Variants in PACS1 observed in about 807,000 individuals in gnomAD.
PACS1 encodes the protein phosphofurin acidic cluster sorting protein 1.
A neutral mutation model predicts 115.0 loss-of-function variants in PACS1; 24 were observed. The ratio of observed to expected loss-of-function variants is 0.21; its 90% confidence interval spans 0.15 to 0.29. The LOEUF (loss-of-function observed/expected upper bound fraction) is 0.29. Among genes scored for constraint, PACS1 ranks in the 10% least tolerant of loss-of-function variants. The pLI, the probability that PACS1 is intolerant of heterozygous loss-of-function variation, is 1.00. For synonymous variants in PACS1, 453 were observed against 504.5 expected, an observed-to-expected ratio of 0.90 and a Z score of 1.37; for missense variants, 838 against 1,251.2, an observed-to-expected ratio of 0.67 and a Z score of 4.98.
At chr11:66,207,473 C>T (rs1286469436) in intron 2 of PACS1, among the ~76,000 whole-genome samples, 2 of 152,124 alleles carry the variant, frequency 1.3e-5, no homozygotes, top group Non-Finnish European at 2.9e-5. Flanking sequence ...TCTAAAATAA[C>T]AAAAACCTTA....
At chr11:66,163,323 C>A (rs1478422344) in intron 1 of PACS1, among the ~76,000 whole-genome samples, 1 of 136,894 alleles carries the variant, frequency 7.3e-6, no homozygotes, top group Non-Finnish European at 1.5e-5. Flanking sequence ...TGCACTCCAG[C>A]ATGGGCGACA....
At chr11:66,091,663 C>T (rs1204932666) in intron 1 of PACS1, among the ~76,000 whole-genome samples, 5 of 151,262 alleles carry the variant, frequency 3.3e-5, no homozygotes, top group Admixed American at 2.6e-4. Context: ...TAAAGCTATC[C>T]CTCCCCCCTC....
At chr11:66,207,875 T>G (rs1385033201) in intron 2 of PACS1, among the ~76,000 whole-genome samples, 1 of 152,176 alleles carries the variant, frequency 6.6e-6, no homozygotes, top group African/African-American at 2.4e-5. Context: ...GCTGAAATGA[T>G]TCTCCCACAC....
chr11:66,185,522 G>A (rs906020996), intron 1 of PACS1, among the ~76,000 whole-genome samples: 2 of 152,128 alleles, frequency 1.3e-5, no homozygotes, highest in African/African-American at 4.8e-5. Flanking sequence ...GTAGGGACTC[G>A]GCTAGAGGTG....
chr11:66,163,279 G>A (rs1859531618), intron 1 of PACS1, among the ~76,000 whole-genome samples: 1 of 149,948 alleles, frequency 6.7e-6, no homozygotes. Flanking sequence ...TGAACGAGGT[G>A]AGCAGAGGTT....
intron 1 of PACS1, among the ~76,000 whole-genome samples, chr11:66,129,444 G>A (rs981062193): frequency 7.1e-6 from 1 of 140,964 alleles, no homozygotes. Flanking sequence ...AAAAAAAAAA[G>A]GGTTTAAAAA....
intron 1 of PACS1, among the ~76,000 whole-genome samples, chr11:66,107,447 G>T (rs1858075594): frequency 6.6e-6 from 1 of 152,022 alleles, no homozygotes; most frequent in African/African-American, 2.4e-5. Context: ...TATGCTGATT[G>T]TTTACTGTCT....
chr11:66,179,550 T>C (rs1336610099), intron 1 of PACS1, among the ~76,000 whole-genome samples: 1 of 152,168 alleles, frequency 6.6e-6, no homozygotes, highest in Non-Finnish European at 1.5e-5. Context: ...AATGTTTGGG[T>C]CAGTATAACA....
intron 1 of PACS1, among the ~76,000 whole-genome samples, chr11:66,136,772 A>C (rs1012596499): frequency 6.6e-6 from 1 of 152,068 alleles, no homozygotes; most frequent in Non-Finnish European, 1.5e-5. Flanking sequence ...TAAGTTCTCT[A>C]TGTTCGGCTA....
At chr11:66,103,335 C>T (rs1254769545) in intron 1 of PACS1, among the ~76,000 whole-genome samples, 1 of 152,004 alleles carries the variant, frequency 6.6e-6, no homozygotes, top group Non-Finnish European at 1.5e-5. Context: ...ATGTGGGTGG[C>T]TCAGGCCTGT....
chr11:66,072,611 C>G (rs146632812), intron 1 of PACS1, among the ~76,000 whole-genome samples: 356 of 152,296 alleles, frequency 2.3e-3, no homozygotes, highest in Non-Finnish European at 3.7e-3. Flanking sequence ...CAACACCAAG[C>G]TCAAGCGAGA....
intron 2 of PACS1, among the ~76,000 whole-genome samples, chr11:66,205,095 C>T (rs1854904275): frequency 6.6e-6 from 1 of 152,142 alleles, no homozygotes; most frequent in Non-Finnish European, 1.5e-5. Context: ...AGCGATTCTC[C>T]TACCTCAGCC....
At position 66,235,665 on chromosome 11, in the gene PACS1, C is replaced by A. The variant is rs987534764; in HGVS notation, c.2208-233C>A. On this transcript the variant is annotated intron_variant, in intron 18 of 23. Coordinates refer to ENST00000320580, the MANE Select transcript of PACS1 (RefSeq NM_018026.4). This position sits in a 1 kb window ranked among gnomAD's most constrained non-coding sequence, Gnocchi z 5.6. The stretch of plus-strand genomic sequence containing the variant: ...CCCATCCTCATAGCTGGAACTCAGA[C>A]GTGGGAAGCAGGGAGCGTAGCTTGC... 4.9e-6 allele frequency: 3 copies of A among 611,754 alleles called. No individual in the cohort carries two copies. Among genetic ancestry groups the A allele is most frequent in the East Asian group, 2.8e-5 (1 of 36,350 alleles). The allele number at this position is 611,754 out of a possible 1,614,324, so 37.9% of individuals were successfully genotyped here.
chr11:66,098,969 G>A (rs1211613833), intron 1 of PACS1, among the ~76,000 whole-genome samples: 2 of 152,148 alleles, frequency 1.3e-5, no homozygotes, highest in Non-Finnish European at 2.9e-5. Flanking sequence ...ACCTGCTCAT[G>A]TTGGTGTCTT....
rs1383192512 is a variant in PACS1, at chr11:66,202,738, AAAAAATATATATATATATATAT to A, written c.445-7622_445-7601del. Among the ~76,000 whole-genome samples the A allele has an allele frequency of 6.2e-5, 4 of 64,894 alleles. 1 individual carries two copies. The highest frequency in any genetic ancestry group is 1.2e-4 in the Non-Finnish European group (4 of 32,462). The allele number at this position is 64,894 out of a possible 152,430, so 42.6% of individuals were successfully genotyped here. ...ACCTCATCTCTAGGAAAAAAAAAAA[AAAAAATATATATATATATATAT>A]ATATATATATATATATATATATTCT... On this transcript the variant is annotated intron_variant, in intron 2 of 23. Coordinates refer to ENST00000320580, the MANE Select transcript of PACS1 (RefSeq NM_018026.4).
At chr11:66,110,566 G>GT (rs528046745) in intron 1 of PACS1, among the ~76,000 whole-genome samples, 32 of 151,492 alleles carry the variant, frequency 2.1e-4, no homozygotes, top group East Asian at 3.9e-4. Context: ...CTTTCCTGTA[G>GT]TTTTTTTTTG....
In PACS1 at chr11:66,102,287, T is replaced by G. The variant is rs550810723; in HGVS notation, c.356+31445T>G. Among the ~76,000 whole-genome samples, 61 of 152,172 alleles carry G rather than the reference T, an allele frequency of 4.0e-4. No homozygotes were observed. The South Asian group carries it at 0.012, about 29-fold the overall frequency. On this transcript the variant is annotated intron_variant, in intron 1 of 23. Transcript: ENST00000320580. ...GTGATTCTGACCCTGATAACCACTC[T>G]GCATCCATCGGATTTACTATTATTA...
At chr11:66,110,507 A>G (rs971146429) in intron 1 of PACS1, among the ~76,000 whole-genome samples, 1 of 151,954 alleles carries the variant, frequency 6.6e-6, no homozygotes, top group Non-Finnish European at 1.5e-5. Context: ...TCTTGTCTTC[A>G]TAGCATATTC....
intron 1 of PACS1, among the ~76,000 whole-genome samples, chr11:66,088,685 C>A (rs1366690603): frequency 6.6e-6 from 1 of 152,174 alleles, no homozygotes. Context: ...AGTGTGTCTT[C>A]CCGCTTTGTG....
Sources: allele counts gnomAD v4.1 joint callset (sites outside exome capture counted in the v4.1 genomes callset), GRCh38; gene constraint gnomAD v4.1.1; non-coding constraint Gnocchi (gnomAD v3.1); transcripts MANE v1.5; gene names NCBI Gene and HGNC (gene_info 2026-07-23, HGNC 2026-07-21).